DHX57: variants seen among roughly 807,000 people sequenced by gnomAD.
DHX57 encodes the protein putative ATP-dependent RNA helicase DHX57.
DHX57 carries 105 observed loss-of-function variants against 156.2 expected under a neutral mutation model. The observed-to-expected ratio is 0.67, with a 90% CI of 0.57 to 0.79. The LOEUF is 0.79. Ranked by LOEUF, DHX57 falls within the 30% of genes least tolerant of loss-of-function variation. The pLI, the probability that DHX57 is intolerant of heterozygous loss-of-function variation, is 0.00. For missense variants in DHX57, 1,847 were observed against 1,661.9 expected (o/e 1.11, Z -1.94); for synonymous variants, 704 against 595.6 (o/e 1.18, Z -2.65).
In DHX57 at chr2:38,814,643, G is replaced by A. The variant is rs553170006; in HGVS notation, c.3607-748C>T. ...CTGATTTGAGAAAATTCTACTGGAAGTCTATTCTATCTCTTATGAATTTAT... is the reference window on the plus strand; with the variant it reads ...CTGATTTGAGAAAATTCTACTGGAAATCTATTCTATCTCTTATGAATTTAT... On this transcript the variant is annotated intron_variant, in intron 20 of 23. Transcript: ENST00000457308. Among the ~76,000 whole-genome samples, 10 of 152,212 alleles carry A rather than the reference G, an allele frequency of 6.6e-5. No homozygotes were observed. The South Asian group carries it at 1.9e-3, about 28-fold the overall frequency.
At chr2:38,868,512 A>T in intron 1 of DHX57, 101 bp from the exon 2 acceptor site, 1 of 1,182,484 alleles carries the variant, frequency 8.5e-7, no homozygotes, top group Non-Finnish European at 1.2e-6. Flanking sequence ...AAAGAAACAA[A>T]GGAAAATGCA....
intron 22 of DHX57, 58 bp from the exon 23 acceptor site, chr2:38,802,973 ACC>A (rs1391525806): frequency 4.3e-5 from 68 of 1,592,084 alleles, no homozygotes; most frequent in Non-Finnish European, 4.6e-5. Flanking sequence ...AAAGGGAACA[ACC>A]CCCCAGTCCC....
intron 22 of DHX57, among the ~76,000 whole-genome samples, chr2:38,805,041 G>T (rs907277916): frequency 3.9e-5 from 6 of 152,168 alleles, no homozygotes; most frequent in Non-Finnish European, 5.9e-5. Flanking sequence ...CTACAACAGT[G>T]CCTGGCACAG....
chr2:38,873,311 A>G (rs1163858009), intron 1 of DHX57, among the ~76,000 whole-genome samples: 1 of 152,196 alleles, frequency 6.6e-6, no homozygotes, highest in East Asian at 1.9e-4. Context: ...ATAAATGTAA[A>G]AAGAAAGAAA....
rs1007144645 is a variant in DHX57, at chr2:38,868,230, T to A, written c.176A>T (p.Asp59Val). The change falls in exon 2 of 24, where the codon GAT becomes GTT. Residue 59 changes from aspartate to valine, a missense_variant. By Grantham distance (152) the Asp-to-Val change is radical. Coordinates refer to ENST00000457308, the MANE Select transcript of DHX57 (RefSeq NM_198963.3). The part of the protein sequence containing the change: ...GNRKASSRIW[D>V]DGDDFCIFSE... ...GAAGATACAAAAGTCATCTCCATCA[T>A]CCCATATTCTACTGGAGGCCTTTCT... is the stretch of plus-strand genomic sequence containing the variant. 7 of 1,613,972 alleles carry A rather than the reference T, an allele frequency of 4.3e-6. No homozygotes were observed. In the Admixed American group the frequency reaches 6.7e-5, roughly 15 times the overall value.
intron 9 of DHX57, among the ~76,000 whole-genome samples, chr2:38,850,367 T>C (rs945235322): frequency 1.3e-5 from 2 of 152,082 alleles, no homozygotes; most frequent in African/African-American, 4.8e-5. Flanking sequence ...ACTGCAGCCT[T>C]GAACTGGGTT....
rs561305100 is a variant in DHX57 at position 38,861,031 on chromosome 2, T to G, written c.1379A>C (p.Asn460Thr). The change falls in exon 5 of 24, where the codon AAT becomes ACT. Residue 460 changes from asparagine (N) to threonine (T), a missense_variant. Asn to Thr is a moderately conservative substitution (Grantham distance 65, BLOSUM62 0). Transcript: ENST00000457308. ...AATTTGATTAGAAACAAAAGAATTA[T>G]TTGGAATCACTGTTTTATGACAGGC... ...NPACHKTVIP[N>T]NSFVSNQIPE... is the part of the protein sequence containing the mutation. 1 of 1,613,678 alleles carries G rather than the reference T, an allele frequency of 6.2e-7. No homozygotes were observed. The highest frequency in any genetic ancestry group is 1.3e-5 in the African/African-American group (1 of 74,934).
At chr2:38,851,962 T>C (rs1172840190) in intron 9 of DHX57, among the ~76,000 whole-genome samples, 1 of 152,156 alleles carries the variant, frequency 6.6e-6, no homozygotes, top group African/African-American at 2.4e-5. Context: ...TTCTGGAGTT[T>C]CTACAAAAAG....
chr2:38,829,940 A>C (rs1671294136), intron 13 of DHX57, among the ~76,000 whole-genome samples: 1 of 152,200 alleles, frequency 6.6e-6, no homozygotes, highest in African/African-American at 2.4e-5. Flanking sequence ...TTTTACATTA[A>C]ATAAAATAAG....
Position 38,862,285 on chromosome 2 carries a change from G to C in DHX57, c.432C>G (p.Asn144Lys). The C allele has an allele frequency of 1.9e-6, 3 of 1,608,814 alleles. No individual in the cohort carries two copies. Among genetic ancestry groups the C allele is most frequent in the Middle Eastern group, 1.7e-4 (1 of 6,024 alleles). The part of the protein sequence containing the change: ...EEEDDEPDCC[N>K]DERYWPAGQE... ...GTCCAGCTGGCCAGTACCGCTCATC[G>C]TTACAGCAATCAGGCTCATCATCTT... The change falls in exon 4 of 24, where the codon AAC (asparagine) becomes AAG (lysine). Residue 144 changes from asparagine (N) to lysine (K), a missense_variant. Coordinates refer to ENST00000457308, the MANE Select transcript of DHX57 (RefSeq NM_198963.3).
chr2:38,870,756 G>C (rs1665314810), intron 1 of DHX57, among the ~76,000 whole-genome samples: 1 of 152,112 alleles, frequency 6.6e-6, no homozygotes, highest in African/African-American at 2.4e-5. Flanking sequence ...GCACACACCT[G>C]TAGTCCCAGC....
chr2:38,864,247 A>T (rs1295063494), intron 2 of DHX57, among the ~76,000 whole-genome samples: 1 of 31,352 alleles, frequency 3.2e-5, no homozygotes, highest in Admixed American at 4.0e-4. Flanking sequence ...CTGATTATTA[A>T]AAAAAAAAAA....
chr2:38,842,817 CA>C (rs1289637868), intron 12 of DHX57, among the ~76,000 whole-genome samples, 187 bp downstream of exon 12: 1 of 152,046 alleles, frequency 6.6e-6, no homozygotes, highest in Non-Finnish European at 1.5e-5. Flanking sequence ...AACCCATTGG[CA>C]AATATAGTAA....
chr2:38,815,416 T>C, intron 20 of DHX57, 105 bp downstream of exon 20: 1 of 1,447,536 alleles, frequency 6.9e-7, no homozygotes, highest in Admixed American at 2.0e-5. Context: ...ATTAACCCAC[T>C]GCTCAAAGGC....
At chr2:38,811,549 C>T (rs1215208805) in intron 21 of DHX57, 1 of 1,188,732 alleles carries the variant, frequency 8.4e-7, no homozygotes, top group Non-Finnish European at 1.2e-6. Context: ...CCAACATTGG[C>T]CAGGTAGGCA....
At chr2:38,864,520 T>C (rs1664951445) in intron 2 of DHX57, among the ~76,000 whole-genome samples, 3 of 152,328 alleles carry the variant, frequency 2.0e-5, no homozygotes. Context: ...TCCTTTATCT[T>C]AAAGTCAGCC....
At position 38,811,726 on chromosome 2, in the gene DHX57, C is replaced by T. The variant is rs1044926363; in HGVS notation, c.3681+2095G>A. ...TCATGGCTCAGTGAACCACTCGGGG[C>T]CTGGGGAGCAAAGGCAGGCAACAGA... On this transcript the variant is annotated intron_variant, in intron 21 of 23. Transcript: ENST00000457308. The T allele has an allele frequency of 9.5e-6, 6 of 631,428 alleles. No individual in the cohort carries two copies. The African/African-American group carries it at 1.1e-4, about 12-fold the overall frequency. The allele number at this position is 631,428 out of a possible 1,614,324, so 39.1% of individuals were successfully genotyped here.
chr2:38,846,942 T>A (rs1040747981), intron 11 of DHX57, 77 bp downstream of exon 11: 78 of 1,321,398 alleles, frequency 5.9e-5, no homozygotes, highest in Admixed American at 1.6e-4. Flanking sequence ...CACCTTTGCC[T>A]TCCAAAGTGC....
chr2:38,859,658 G>C (rs1317680274), intron 5 of DHX57, among the ~76,000 whole-genome samples: 5 of 152,086 alleles, frequency 3.3e-5, no homozygotes, highest in Non-Finnish European at 5.9e-5. Context: ...GAGTGGGTCG[G>C]GTGGTTAGTG....
Sources: gnomAD v4.1 joint callset for allele counts (sites outside exome capture counted in the v4.1 genomes callset) on GRCh38, gnomAD v4.1.1 for gene constraint, MANE v1.5 for transcripts, NCBI Gene and HGNC (gene_info 2026-07-23, HGNC 2026-07-21) for gene names.